SH3RF3: variants seen among roughly 807,000 people sequenced by gnomAD.
SH3RF3 encodes the protein E3 ubiquitin-protein ligase SH3RF3.
SH3RF3 carries 29 observed loss-of-function variants against 66.3 expected under a neutral mutation model. That is an observed-to-expected ratio of 0.44 (90% CI 0.33 to 0.60). SH3RF3 has a LOEUF of 0.60. SH3RF3 is among the 20% of genes least tolerant of loss of function. The pLI, the probability that SH3RF3 is intolerant of heterozygous loss-of-function variation, is 0.04. For synonymous variants in SH3RF3, 583 were observed against 532.0 expected (o/e 1.10, Z -1.32); for missense variants, 1,194 against 1,190.9 (o/e 1.00, Z -0.04).
In SH3RF3 at chr2:109,249,615, CTCTT is replaced by C. The variant is rs1377490704; in HGVS notation, c.574-98051_574-98048del. Reference sequence around the variant, plus strand: ...TTTCTTTCTTTTTCTTTCTTTCTTTCTCTTTCTTTCTCTCTCTCTTTCTCTGTTT... The same window carrying C: ...TTTCTTTCTTTTTCTTTCTTTCTTTCTCTTTCTCTCTCTCTTTCTCTGTTT... On this transcript the variant is annotated intron_variant, in intron 1 of 9. Coordinates refer to ENST00000309415, the MANE Select transcript of SH3RF3 (RefSeq NM_001099289.3). Among the ~76,000 whole-genome samples the C allele has an allele frequency of 6.1e-4, 85 of 139,024 alleles. 1 individual carries two copies. The highest frequency in any genetic ancestry group is 2.3e-3 in the African/African-American group (82 of 35,766). The allele number at this position is 139,024 out of a possible 152,430, so 91.2% of individuals were successfully genotyped here.
At chr2:109,437,277 G>A in intron 7 of SH3RF3, 131 bp downstream of exon 7, 1 of 1,378,952 alleles carries the variant, frequency 7.3e-7, no homozygotes, top group East Asian at 2.5e-5. Flanking sequence ...GGCAGCTGGA[G>A]AAACTTAAGG....
intron 7 of SH3RF3, among the ~76,000 whole-genome samples, chr2:109,438,896 A>G (rs1360636850): frequency 6.6e-6 from 1 of 152,276 alleles, no homozygotes; most frequent in South Asian, 2.1e-4. Context: ...GGTTATAAAC[A>G]TCTCATCCAA....
At chr2:109,469,000 T>C (rs1341728278) in intron 8 of SH3RF3, among the ~76,000 whole-genome samples, 1 of 150,970 alleles carries the variant, frequency 6.6e-6, no homozygotes, top group Non-Finnish European at 1.5e-5. Flanking sequence ...GCTCAAGGTC[T>C]TCTAAAGGGC....
At chr2:109,403,063 A>G (rs552460766) in intron 4 of SH3RF3, among the ~76,000 whole-genome samples, 2 of 152,258 alleles carry the variant, frequency 1.3e-5, no homozygotes, top group South Asian at 2.1e-4. Flanking sequence ...TCTCGCTGTA[A>G]TGGACTGGTT....
intron 8 of SH3RF3, among the ~76,000 whole-genome samples, chr2:109,474,399 C>T (rs1221110225): frequency 6.6e-6 from 1 of 152,142 alleles, no homozygotes; most frequent in East Asian, 1.9e-4. Context: ...AAAGCTCTCC[C>T]CCTAACAGAG....
At chr2:109,327,300 G>A (rs1253771408) in intron 1 of SH3RF3, among the ~76,000 whole-genome samples, 1 of 152,134 alleles carries the variant, frequency 6.6e-6, no homozygotes, top group Non-Finnish European at 1.5e-5. Context: ...AAACAGCCCA[G>A]CCTTTCCCTG....
intron 8 of SH3RF3, among the ~76,000 whole-genome samples, chr2:109,483,475 A>T (rs1047865496): frequency 2.0e-5 from 3 of 152,032 alleles, no homozygotes; most frequent in African/African-American, 7.3e-5. Flanking sequence ...TCCCCGCAAG[A>T]CCTTGGCACC....
At chr2:109,418,236 CCT>C (rs1168846145) in intron 4 of SH3RF3, among the ~76,000 whole-genome samples, 1 of 152,138 alleles carries the variant, frequency 6.6e-6, no homozygotes, top group African/African-American at 2.4e-5. Context: ...GGAGGAGACC[CCT>C]GTCTCCCTCC....
rs1679403329 is a variant in SH3RF3 at position 109,502,080 on chromosome 2, C to G, written c.*409C>G. ...CATGGGGGCCAGGAGCGCTGGAGAT[C>G]ATCTTTCTGGGCTGCCCTGGGCTTC... On this transcript the variant is annotated 3_prime_UTR_variant, in exon 10 of 10. Transcript: ENST00000309415. 2 of 187,368 alleles carry G rather than the reference C, an allele frequency of 1.1e-5. No homozygotes were observed. The highest frequency in any genetic ancestry group is 4.6e-5 in the African/African-American group (2 of 43,372). 11.6% of individuals were successfully genotyped at this position (187,368 alleles called of 1,614,324 possible).
At chr2:109,449,101 G>A (rs1677790732) in intron 7 of SH3RF3, 69 bp from the exon 8 acceptor site, 1 of 1,514,440 alleles carries the variant, frequency 6.6e-7, no homozygotes, top group African/African-American at 1.4e-5. Flanking sequence ...GTGCATTGCA[G>A]CTGCCTGGCA....
chr2:109,470,060 C>T (rs1000328029), intron 8 of SH3RF3, among the ~76,000 whole-genome samples: 9 of 152,266 alleles, frequency 5.9e-5, no homozygotes, highest in African/African-American at 1.9e-4. Flanking sequence ...TAGCTGAGCC[C>T]GTTCTGGTGG....
intron 1 of SH3RF3, among the ~76,000 whole-genome samples, chr2:109,144,018 A>G (rs1007159960): frequency 1.3e-5 from 2 of 152,238 alleles, no homozygotes; most frequent in Admixed American, 1.3e-4. Flanking sequence ...ATAGAAGCAG[A>G]TAGTAGAAAG....
chr2:109,167,863 A>G (rs745734069), intron 1 of SH3RF3, among the ~76,000 whole-genome samples: 4 of 152,130 alleles, frequency 2.6e-5, no homozygotes, highest in South Asian at 2.1e-4. Flanking sequence ...GAGCCACTGC[A>G]CCCAGCCTAG....
intron 7 of SH3RF3, among the ~76,000 whole-genome samples, chr2:109,437,678 A>T (rs964805593): frequency 6.6e-6 from 1 of 151,494 alleles, no homozygotes; most frequent in African/African-American, 2.4e-5. Flanking sequence ...AGGCAGGAGG[A>T]ATGACAGCTG....
At chr2:109,411,290 G>C (rs1676582591) in intron 4 of SH3RF3, among the ~76,000 whole-genome samples, 1 of 152,220 alleles carries the variant, frequency 6.6e-6, no homozygotes, top group Admixed American at 6.5e-5. Flanking sequence ...CTTTACTCAG[G>C]AGTTCCCAAT....
At chr2:109,206,067 C>T (rs1344687090) in intron 1 of SH3RF3, among the ~76,000 whole-genome samples, 2 of 152,162 alleles carry the variant, frequency 1.3e-5, no homozygotes, top group African/African-American at 4.8e-5. Flanking sequence ...CCAGCCTCCG[C>T]GGTGGGCATT....
intron 1 of SH3RF3, among the ~76,000 whole-genome samples, chr2:109,147,588 A>G (rs1677129963): frequency 6.6e-6 from 1 of 152,216 alleles, no homozygotes; most frequent in Non-Finnish European, 1.5e-5. Context: ...TCAATTATTC[A>G]GGAGGGTTAT....
chr2:109,145,225 C>T (rs902869698), intron 1 of SH3RF3, among the ~76,000 whole-genome samples: 1 of 152,194 alleles, frequency 6.6e-6, no homozygotes, highest in African/African-American at 2.4e-5. Context: ...TGGGTCCTTC[C>T]TGACCACGGT....
chr2:109,374,824 GCCTGGCCTCA>G (rs992927341), intron 3 of SH3RF3, among the ~76,000 whole-genome samples: 1 of 152,200 alleles, frequency 6.6e-6, no homozygotes, highest in Non-Finnish European at 1.5e-5. Flanking sequence ...CTCTCACCTC[GCCTGGCCTCA>G]CCTGGCCTCA....
Sources: allele counts gnomAD v4.1 joint callset (sites outside exome capture counted in the v4.1 genomes callset), GRCh38; gene constraint gnomAD v4.1.1; transcripts MANE v1.5; gene names NCBI Gene and HGNC (gene_info 2026-07-23, HGNC 2026-07-21).